The following SPAG5 variants were observed in gnomAD, a reference collection of about 807,000 sequenced individuals.
The protein encoded by SPAG5 is sperm-associated antigen 5.
A neutral mutation model predicts 145.4 loss-of-function variants in SPAG5; 99 were observed. The ratio of observed to expected loss-of-function variants is 0.68; its 90% confidence interval spans 0.58 to 0.80. SPAG5 has a LOEUF of 0.80. Among genes scored for constraint, SPAG5 ranks in the 30% least tolerant of loss-of-function variants. SPAG5 has a pLI of 0.00. For missense variants in SPAG5, 1,192 were observed against 1,416.0 expected, an observed-to-expected ratio of 0.84 and a Z score of 2.54; for synonymous variants, 477 against 525.4, an observed-to-expected ratio of 0.91 and a Z score of 1.26.
At chr17:28,593,187 G>A in intron 2 of SPAG5, 121 bp from the exon 3 acceptor site, 1 of 1,274,200 alleles carries the variant, frequency 7.8e-7, no homozygotes, top group East Asian at 2.4e-5. Context: ...GCTTAGGTAA[G>A]AACTTGGCTA....
intron 19 of SPAG5, 45 bp from the exon 20 acceptor site, chr17:28,578,797 C>T (rs1271064613): frequency 1.3e-6 from 2 of 1,483,956 alleles, no homozygotes; most frequent in East Asian, 2.3e-5. Flanking sequence ...GAGCTGGTCT[C>T]TTCACAGCCC....
At position 28,585,181 on chromosome 17, in the gene SPAG5, C is replaced by T. The variant is rs148918737; in HGVS notation, c.1988G>A (p.Arg663Gln). The change falls in exon 10 of 24, where the codon CGA (arginine) becomes CAA (glutamine). Residue 663 changes from arginine to glutamine, a missense_variant. Around this residue, in one of 5 missense-constraint regions of SPAG5, gnomAD observed 709 missense variants for 840.7 expected, o/e 0.84. Transcript: ENST00000321765. Reference protein sequence around the residue: ...TTWTALLSRSRQLTEKLTVKS... With the variant: ...TTWTALLSRSQQLTEKLTVKS... Reference sequence around the variant, plus strand: ...GACTGTGAGTTTCTCTGTGAGTTGTCGGGACCGACTCAGCAAAGCTGTCCA... The same window carrying T: ...GACTGTGAGTTTCTCTGTGAGTTGTTGGGACCGACTCAGCAAAGCTGTCCA... 2.0e-4 allele frequency: 318 copies of T among 1,614,164 alleles called. 2 individuals carry two copies. In the African/African-American group the frequency reaches 3.5e-3, roughly 18 times the overall value.
chr17:28,595,591 T>C (rs2070658350), intron 2 of SPAG5, among the ~76,000 whole-genome samples: 1 of 149,320 alleles, frequency 6.7e-6, no homozygotes, highest in African/African-American at 2.5e-5. Context: ...CTACTAAAAA[T>C]ACAAAAAATT....
intron 2 of SPAG5, among the ~76,000 whole-genome samples, chr17:28,596,283 C>G (rs953329254): frequency 9.2e-5 from 14 of 151,992 alleles, no homozygotes; most frequent in Non-Finnish European, 1.9e-4. Context: ...CTGACTGCAT[C>G]TGGAGGTAGT....
rs1238689777 is a variant in SPAG5, at chr17:28,584,344, C to T, written c.2298G>A (p.Glu766=). Residue 766 remains glutamate (E), a synonymous_variant, in exon 12 of 24, where the codon GAG becomes GAA. Coordinates refer to ENST00000321765, the MANE Select transcript of SPAG5 (RefSeq NM_006461.4). ...LLCQLTQSNE[E]QAAQWQKEEM... ...CGTTAGGAACTCACTGAGCAGCCTG[C>T]TCCTCATTGCTCTGGGTAAGCTGGC... 6.2e-7 allele frequency: 1 copy of T among 1,614,196 alleles called. No homozygotes were observed. Among genetic ancestry groups the T allele is most frequent in the South Asian group, 1.1e-5 (1 of 91,086 alleles).
intron 11 of SPAG5, 40 bp from the exon 12 acceptor site, chr17:28,584,520 G>A (rs1467693683): frequency 6.2e-7 from 1 of 1,612,868 alleles, no homozygotes. Context: ...GCGGTCAGCA[G>A]GCTAGAAACT....
At position 28,584,457 on chromosome 17, in the gene SPAG5, G is replaced by C. The variant is rs1462510424; in HGVS notation, c.2185C>G (p.Leu729Val). 3 of 1,613,824 alleles carry C rather than the reference G, an allele frequency of 1.9e-6. No homozygotes were observed. In the African/African-American group the frequency reaches 4.0e-5, roughly 22 times the overall value. The change falls in exon 12 of 24, where the codon CTG (leucine) becomes GTG (valine). Residue 729 changes from leucine (L) to valine (V), a missense_variant. Physicochemically the swap from Leu to Val is conservative, Grantham distance 32. Coordinates refer to ENST00000321765, the MANE Select transcript of SPAG5 (RefSeq NM_006461.4). ...TTTAGCTGGCTGTCCATGTTGGCCA[G>C]AATCTGCAACTGAGCCCGGAGATCT... ...ATDLRAQLQI[L>V]ANMDSQLKEL... is the part of the protein sequence containing the mutation.
intron 17 of SPAG5, 21 bp downstream of exon 17, chr17:28,579,730 A>T: frequency 6.2e-7 from 1 of 1,608,378 alleles, no homozygotes. Context: ...ATGAGGCAGG[A>T]TCCCTGGAGC....
At chr17:28,596,441 G>A (rs1431642572) in intron 2 of SPAG5, among the ~76,000 whole-genome samples, 1 of 152,148 alleles carries the variant, frequency 6.6e-6, no homozygotes, top group Non-Finnish European at 1.5e-5. Context: ...GCTGAGGTGG[G>A]CGGATCACCT....
At position 28,585,890 on chromosome 17, in the gene SPAG5, C is replaced by T; in HGVS notation, c.1714G>A (p.Glu572Lys). The T allele has an allele frequency of 6.2e-7, 1 of 1,614,248 alleles. No individual in the cohort carries two copies. Among genetic ancestry groups the T allele is most frequent in the South Asian group, 1.1e-5 (1 of 91,086 alleles). Residue 572 changes from glutamate to lysine, a missense_variant, in exon 7 of 24, where the codon GAA becomes AAA. Physicochemically the swap from Glu to Lys is moderately conservative, Grantham distance 56. Coordinates refer to ENST00000321765, the MANE Select transcript of SPAG5 (RefSeq NM_006461.4). ...GCATCCTTGCCTCTGAGAGCCATTT[C>T]CTCTCTGTGCCTTGCCTCCTCCCTT... ...AEREEARHRE[E>K]MALRGKDAAE...
At chr17:28,583,406 G>A in intron 15 of SPAG5, 105 bp downstream of exon 15, 1 of 1,310,348 alleles carries the variant, frequency 7.6e-7, no homozygotes, top group Admixed American at 2.5e-5. Flanking sequence ...GTAGGTAACT[G>A]AAATCATAAA....
At chr17:28,585,473 A>C in intron 8 of SPAG5, 61 bp downstream of exon 8, 1 of 1,613,308 alleles carries the variant, frequency 6.2e-7, no homozygotes, top group South Asian at 1.1e-5. Flanking sequence ...AAGTGGGAGT[A>C]TGCAACTACC....
chr17:28,584,683 T>C lies in SPAG5; in HGVS notation c.2130A>G (p.Gln710=). 2 of 1,614,174 alleles carry C rather than the reference T, an allele frequency of 1.2e-6. No individual in the cohort carries two copies. The highest frequency in any genetic ancestry group is 2.2e-5 in the South Asian group (2 of 91,084). The change falls in exon 11 of 24, where the codon CAA becomes CAG. Residue 710 remains glutamine (Q), a synonymous_variant. Coordinates refer to ENST00000321765, the MANE Select transcript of SPAG5 (RefSeq NM_006461.4). ...CTAGACGACTGTTTTCCAACTCCAGTTGTTCTGTTTGGCCTTTGCACTCCT... is the reference window on the plus strand; with the variant it reads ...CTAGACGACTGTTTTCCAACTCCAGCTGTTCTGTTTGGCCTTTGCACTCCT... ...QLEECKGQTE[Q]LELENSRLAT...
chr17:28,595,490 G>A (rs1220314290), intron 2 of SPAG5, among the ~76,000 whole-genome samples: 3 of 152,218 alleles, frequency 2.0e-5, no homozygotes, highest in Non-Finnish European at 4.4e-5. Context: ...GCCCACGCCT[G>A]TAATCCCAGC....
intron 2 of SPAG5, among the ~76,000 whole-genome samples, chr17:28,597,595 C>T (rs2070675359): frequency 6.6e-6 from 1 of 152,230 alleles, no homozygotes; most frequent in Non-Finnish European, 1.5e-5. Context: ...GCTATGCTAT[C>T]ATCATACTTC....
intron 15 of SPAG5, chr17:28,582,769 C>T (rs143328411): frequency 1.3e-5 from 2 of 152,324 alleles, no homozygotes; most frequent in Non-Finnish European, 1.5e-5. Context: ...GTTTAGTGCA[C>T]ACTGCAGGGA....
At position 28,591,975 on chromosome 17, in the gene SPAG5, C is replaced by T. The variant is rs776145353; in HGVS notation, c.1262+7G>A. ...CTCACGAGGTGCAAGGACATAGGGG[C>T]GCTTACCCACACAGGAGCTGCTCTG... On this transcript the variant is annotated splice_region_variant and intron_variant, in intron 3 of 23. Transcript: ENST00000321765. 13 of 1,613,174 alleles carry T rather than the reference C, an allele frequency of 8.1e-6. No homozygotes were observed. The highest frequency in any genetic ancestry group is 1.7e-4 in the Middle Eastern group (1 of 6,044).
rs2070524662 is a variant in SPAG5 at position 28,578,546 on chromosome 17, G to A, written c.3199-18C>T. The A allele has an allele frequency of 6.2e-7, 1 of 1,609,594 alleles. No individual in the cohort carries two copies. Among genetic ancestry groups the A allele is most frequent in the Non-Finnish European group, 8.5e-7 (1 of 1,179,786 alleles). ...CTAAGGCTCTGGGAATGAGAATGGAGAGGTGTCCAATAGGACATAAGGATA... is the reference window on the plus strand; with the variant it reads ...CTAAGGCTCTGGGAATGAGAATGGAAAGGTGTCCAATAGGACATAAGGATA... On this transcript the variant is annotated intron_variant, in intron 20 of 23. Transcript: ENST00000321765.
intron 14 of SPAG5, 31 bp from the exon 15 acceptor site, chr17:28,583,680 G>A (rs770790532): frequency 1.3e-5 from 21 of 1,575,718 alleles, no homozygotes; most frequent in Non-Finnish European, 1.7e-5. Flanking sequence ...GATGACCAAA[G>A]ACCAAATTAC....
Sources: gnomAD v4.1 joint callset for allele counts (sites outside exome capture counted in the v4.1 genomes callset) on GRCh38, gnomAD v4.1.1 for gene constraint, gnomAD v4.1.1 regional missense constraint, MANE v1.5 for transcripts, NCBI Gene and HGNC (gene_info 2026-07-23, HGNC 2026-07-21) for gene names.